NLRP11: variants seen among roughly 807,000 people sequenced by gnomAD.
The protein encoded by NLRP11 is NACHT, LRR and PYD domains-containing protein 11.
In NLRP11, 53 loss-of-function variants were observed where a neutral mutation model predicts 79.3. The observed-to-expected ratio is 0.67, with a 90% CI of 0.54 to 0.84. NLRP11 has a LOEUF of 0.84. Ranked by LOEUF, NLRP11 falls within the 40% of genes least tolerant of loss-of-function variation. The pLI is 0.00. For missense variants in NLRP11, 1,264 were observed against 1,255.0 expected (o/e 1.01, Z -0.11); for synonymous variants, 518 against 462.6 (o/e 1.12, Z -1.54).
intron 6 of NLRP11, among the ~76,000 whole-genome samples, chr19:55,795,177 T>G (rs1251267427): frequency 6.6e-6 from 1 of 152,094 alleles, no homozygotes; most frequent in Non-Finnish European, 1.5e-5. Flanking sequence ...GCCCCAACCT[T>G]CCGGAAGTCT....
upstream of NLRP11, among the ~76,000 whole-genome samples, chr19:55,835,809 C>T (rs569560334): frequency 6.7e-6 from 1 of 149,294 alleles, no homozygotes; most frequent in African/African-American, 2.5e-5. Context: ...ATGGTGAAAC[C>T]CTGTCTCTAC....
intron 4 of NLRP11, among the ~76,000 whole-genome samples, chr19:55,802,294 C>T (rs1205102296): frequency 6.6e-6 from 1 of 152,122 alleles, no homozygotes; most frequent in Non-Finnish European, 1.5e-5. Flanking sequence ...AAATCTTCAG[C>T]TGATAAACTG....
intron 2 of NLRP11, among the ~76,000 whole-genome samples, chr19:55,814,442 T>C (rs1980892426): frequency 6.6e-6 from 1 of 152,184 alleles, no homozygotes; most frequent in Admixed American, 6.5e-5. Context: ...AAAAATTGTC[T>C]TCCGTGAAAC....
chr19:55,796,222 C>A lies in NLRP11; in HGVS notation c.2200G>T (p.Glu734Ter). The A allele has an allele frequency of 6.2e-7, 1 of 1,613,286 alleles. No individual in the cohort carries two copies. The change falls in exon 6 of 10, where the codon GAA becomes TAA. Residue 734 changes from glutamate (E) to a stop codon, truncating the protein, a stop_gained. Transcript: ENST00000589093. LOFTEE classifies it high-confidence loss of function. ...AGGAGAGAGGCGATTTCTTCACATT[C>A]GCTGGCTCGCAAATCACATTTCATC...
intron 5 of NLRP11, among the ~76,000 whole-genome samples, chr19:55,797,916 C>T (rs1016984779): frequency 4.6e-5 from 7 of 151,956 alleles, no homozygotes; most frequent in African/African-American, 9.7e-5. Context: ...ACAGTGCAGC[C>T]GCAGCACGGT....
chr19:55,802,059 T>C (rs1979533599), intron 4 of NLRP11, among the ~76,000 whole-genome samples: 1 of 152,198 alleles, frequency 6.6e-6, no homozygotes, highest in African/African-American at 2.4e-5. Context: ...TGCACAAGTT[T>C]AACCATGTTT....
chr19:55,807,227 A>T (rs1277178878), intron 4 of NLRP11, among the ~76,000 whole-genome samples: 1 of 152,142 alleles, frequency 6.6e-6, no homozygotes, highest in Non-Finnish European at 1.5e-5. Context: ...CCAGAATCCT[A>T]AGATCATATA....
At chr19:55,835,449 C>G (rs573927807), upstream of NLRP11, among the ~76,000 whole-genome samples, 41 of 152,364 alleles carry the variant, frequency 2.7e-4, no homozygotes, top group African/African-American at 8.9e-4. Flanking sequence ...GCCTGTAATC[C>G]CAGCACTTTG....
At chr19:55,807,999 A>C in exon 4 of NLRP11, 1 of 1,602,960 alleles carries the variant, frequency 6.2e-7, no homozygotes, top group South Asian at 1.1e-5. Context: ...TCCAGTAGAC[A>C]AGGCTCTTCA....
intron 5 of NLRP11, among the ~76,000 whole-genome samples, chr19:55,796,768 C>A (rs187144299): frequency 1.3e-5 from 2 of 151,788 alleles, no homozygotes; most frequent in Non-Finnish European, 2.9e-5. Flanking sequence ...CTCACTGCAA[C>A]CTCTGCCTCC....
chr19:55,789,003 T>G, intron 8 of NLRP11, 26 bp from the exon 9 acceptor site: 1 of 1,612,650 alleles, frequency 6.2e-7, no homozygotes, highest in Non-Finnish European at 8.5e-7. Context: ...ACAGGTAAGG[T>G]GGGGCCAAAT....
intron 1 of NLRP11, among the ~76,000 whole-genome samples, chr19:55,829,680 A>T (rs1181270894): frequency 6.7e-6 from 1 of 150,204 alleles, no homozygotes; most frequent in African/African-American, 2.5e-5. Context: ...AAAAAAAAAA[A>T]AAAAATCGTA....
chr19:55,833,765 CAAAA>C (rs71182919), upstream of NLRP11, among the ~76,000 whole-genome samples: 2 of 23,488 alleles, frequency 8.5e-5, no homozygotes, highest in Admixed American at 6.1e-4. Context: ...GACTCCGTCT[CAAAA>C]AAAAAAAAAA....
chr19:55,796,693 C>CTTTTT (rs58565461), intron 5 of NLRP11, among the ~76,000 whole-genome samples: 1 of 147,214 alleles, frequency 6.8e-6, no homozygotes, highest in African/African-American at 2.5e-5. Context: ...TCTCTATTTT[C>CTTTTT]TTTTTTTTTT....
intron 1 of NLRP11, among the ~76,000 whole-genome samples, chr19:55,827,647 CA>C (rs796535882): frequency 0.36 from 52,508 of 147,852 alleles, 10,191 homozygotes; most frequent in African/African-American, 0.53. Flanking sequence ...TTTATGCAGC[CA>C]AAAAAAACAT....
intron 9 of NLRP11, among the ~76,000 whole-genome samples, chr19:55,787,771 T>C (rs1460501961): frequency 1.3e-5 from 2 of 152,146 alleles, no homozygotes; most frequent in Non-Finnish European, 2.9e-5. Context: ...TGTTTGAGAG[T>C]TGGAGAGCAA....
chr19:55,831,154 C>A (rs896737644), intron 1 of NLRP11, among the ~76,000 whole-genome samples: 7 of 143,480 alleles, frequency 4.9e-5, no homozygotes, highest in African/African-American at 1.8e-4. Flanking sequence ...GGACCCCCTC[C>A]TGGCCAAGAT....
At chr19:55,812,596 G>C (rs1555803375) in intron 2 of NLRP11, among the ~76,000 whole-genome samples, 1 of 152,184 alleles carries the variant, frequency 6.6e-6, no homozygotes, top group Non-Finnish European at 1.5e-5. Context: ...CAAACGGTAA[G>C]TGTGGGTGAA....
intron 6 of NLRP11, among the ~76,000 whole-genome samples, chr19:55,794,668 G>A (rs144304201): frequency 0.17 from 26,441 of 152,050 alleles, 2,654 homozygotes; most frequent in Non-Finnish European, 0.23. Context: ...GCTGAGGCAG[G>A]AGAATGGCGT....
Sources: gnomAD v4.1 joint callset for allele counts (sites outside exome capture counted in the v4.1 genomes callset) on GRCh38, gnomAD v4.1.1 for gene constraint, MANE v1.5 for transcripts, NCBI Gene and HGNC (gene_info 2026-07-23, HGNC 2026-07-21) for gene names.